Variants in RAB3D observed in about 807,000 individuals in gnomAD.
The protein encoded by RAB3D is RAB3D, member RAS oncogene family, also known as ras-related protein Rab-3D.
RAB3D carries 17 observed loss-of-function variants against 19.3 expected under a neutral mutation model. That is an observed-to-expected ratio of 0.88 (90% CI 0.60 to 1.32). The LOEUF (loss-of-function observed/expected upper bound fraction) is 1.32. Among genes scored for constraint, RAB3D ranks in the 40% most tolerant of loss-of-function variants. RAB3D has a pLI of 0.00. For missense variants in RAB3D, 223 were observed against 299.1 expected (o/e 0.75, Z 1.88); for synonymous variants, 103 against 119.9 (o/e 0.86, Z 0.92).
In RAB3D at chr19:11,324,007, G is replaced by A. The variant is rs1462747754; in HGVS notation, c.*1391C>T. On this transcript the variant is annotated 3_prime_UTR_variant, in exon 5 of 5. Coordinates refer to ENST00000222120, the MANE Select transcript of RAB3D (RefSeq NM_004283.4). ...TAACCTCTGAGCAGAAGCCCCTGGA[G>A]GTGGGGACCCCAGCTTCAGAGACTC... 6.6e-6 allele frequency: 1 copy of A among 152,158 alleles called. No individual in the cohort carries two copies. The highest frequency in any genetic ancestry group is 1.5e-5 in the Non-Finnish European group (1 of 68,084). The allele number at this position is 152,158 out of a possible 1,614,324, so 9.4% of individuals were successfully genotyped here.
In RAB3D at chr19:11,322,593, TTC is replaced by T. The variant is rs2080786561; in HGVS notation, c.*2803_*2804del. 6.6e-6 allele frequency: 1 copy of T among 152,184 alleles called. No homozygotes were observed. Among genetic ancestry groups the T allele is most frequent in the African/African-American group, 2.4e-5 (1 of 41,430 alleles). The allele number at this position is 152,184 out of a possible 1,614,324, so 9.4% of individuals were successfully genotyped here. The stretch of plus-strand genomic sequence containing the variant: ...GAGGTAATCTGCAAAAACATCAGTT[TTC>T]AGTCCCCAGAGACCATTTCCAATTA... On this transcript the variant is annotated 3_prime_UTR_variant, in exon 5 of 5. Coordinates refer to ENST00000222120, the MANE Select transcript of RAB3D (RefSeq NM_004283.4).
rs901073842 is a variant in RAB3D at position 11,323,005 on chromosome 19, A to C, written c.*2393T>G. On this transcript the variant is annotated 3_prime_UTR_variant, in exon 5 of 5. Transcript: ENST00000222120. ...CAGGTGCCTGTAGTCCCAGCTACTT[A>C]GGAGGCTGAGACAGGAGAATCGCTT... 2 of 151,396 alleles carry C rather than the reference A, an allele frequency of 1.3e-5. No homozygotes were observed. The highest frequency in any genetic ancestry group is 3.9e-4 in the East Asian group (2 of 5,080). The allele number at this position is 151,396 out of a possible 1,614,324, so 9.4% of individuals were successfully genotyped here.
intron 2 of RAB3D, among the ~76,000 whole-genome samples, chr19:11,336,370 G>C (rs999225878): frequency 2.8e-4 from 43 of 152,030 alleles, no homozygotes; most frequent in African/African-American, 1.0e-3. Flanking sequence ...ATGCAGCGGT[G>C]CAATCATAGC....
At chr19:11,326,662 G>T in intron 4 of RAB3D, 1 of 603,004 alleles carries the variant, frequency 1.7e-6, no homozygotes. Flanking sequence ...GGGGTGTAGT[G>T]GTATGAACAT....
intron 2 of RAB3D, 26 bp from the exon 3 acceptor site, chr19:11,335,809 C>T (rs753569250): frequency 7.5e-6 from 12 of 1,599,958 alleles, no homozygotes; most frequent in Non-Finnish European, 9.4e-6. Context: ...TGGCAGTTGG[C>T]TGGGAACTAC....
At position 11,338,489 on chromosome 19, in the gene RAB3D, G is replaced by A. The variant is rs927035029; in HGVS notation, c.-62+980C>T. On this transcript the variant is annotated intron_variant, in intron 1 of 4. Transcript: ENST00000222120. ...GGTGTCAGCCACTGGGGCGCCTGCC[G>A]CCCACCAACTCATGCCAAATACAAC... Among the ~76,000 whole-genome samples the A allele has an allele frequency of 4.6e-5, 7 of 152,160 alleles. No individual in the cohort carries two copies. The South Asian group carries it at 8.3e-4, about 18-fold the overall frequency.
chr19:11,324,145 C>T lies in RAB3D; in HGVS notation c.*1253G>A, dbSNP rs955142898. ...GTTACTCAATCCTACCTCCTCACCC[C>T]TTCCGCCCAACCCCCAGCATCCCTT... On this transcript the variant is annotated 3_prime_UTR_variant, in exon 5 of 5. Transcript: ENST00000222120. 6.6e-6 allele frequency: 1 copy of T among 152,222 alleles called. No individual in the cohort carries two copies. The highest frequency in any genetic ancestry group is 2.4e-5 in the African/African-American group (1 of 41,380). 9.4% of individuals were successfully genotyped at this position (152,222 alleles called of 1,614,324 possible).
intron 4 of RAB3D, among the ~76,000 whole-genome samples, chr19:11,326,418 T>C (rs749909396): frequency 2.0e-5 from 3 of 152,046 alleles, no homozygotes; most frequent in Non-Finnish European, 4.4e-5. Context: ...GCTGCAGCCA[T>C]GGTCTGGACA....
intron 4 of RAB3D, among the ~76,000 whole-genome samples, chr19:11,328,675 G>A (rs1384109720): frequency 6.6e-6 from 1 of 151,668 alleles, no homozygotes; most frequent in African/African-American, 2.4e-5. Context: ...ATATTAGCCA[G>A]GTGTGGTGGC....
chr19:11,325,687 A>G, intron 4 of RAB3D, 102 bp from the exon 5 acceptor site: 4 of 1,130,486 alleles, frequency 3.5e-6, no homozygotes, highest in East Asian at 2.4e-5. Context: ...TCTGCTCTTT[A>G]TCCTGCTGTG....
In RAB3D at chr19:11,335,715, CAGGAA is replaced by C. The variant is rs753311551; in HGVS notation, c.292_296del (p.Phe98AlafsTer4). On this transcript the variant is annotated frameshift_variant, in exon 3 of 5. Transcript: ENST00000222120. LOFTEE classifies it high-confidence loss of function. ...CCTGATTGGCGATGTCATACATGAG[CAGGAA>C]GCCCATGGCTCCCCGGTAGTAGGCC... 2 of 1,614,186 alleles carry C rather than the reference CAGGAA, an allele frequency of 1.2e-6. No individual in the cohort carries two copies. The highest frequency in any genetic ancestry group is 3.3e-5 in the Admixed American group (2 of 60,020).
chr19:11,328,389 C>T (rs1028331981), intron 4 of RAB3D, among the ~76,000 whole-genome samples: 6 of 148,676 alleles, frequency 4.0e-5, no homozygotes, highest in South Asian at 2.1e-4. Context: ...TGGTGGCTCA[C>T]GCCTGTAATT....
chr19:11,324,372 A>C lies in RAB3D; in HGVS notation c.*1026T>G, dbSNP rs1335498232. The C allele has an allele frequency of 6.6e-6, 1 of 152,228 alleles. No individual in the cohort carries two copies. The highest frequency in any genetic ancestry group is 1.9e-4 in the East Asian group (1 of 5,192). The allele number at this position is 152,228 out of a possible 1,614,324, so 9.4% of individuals were successfully genotyped here. On this transcript the variant is annotated 3_prime_UTR_variant, in exon 5 of 5. Coordinates refer to ENST00000222120, the MANE Select transcript of RAB3D (RefSeq NM_004283.4). The stretch of plus-strand genomic sequence containing the variant: ...ATTGGGTCTTGAAGGGCCCCCCTCA[A>C]GTCGGAGCCCAGGTGCTTACATCAG...
chr19:11,323,805 G>A lies in RAB3D; in HGVS notation c.*1593C>T, dbSNP rs2080795232. ...AGACACAACCTCTGAAACAGAGTCAGGGACGTGGGAACATAAAACATCCAC... is the reference window on the plus strand; with the variant it reads ...AGACACAACCTCTGAAACAGAGTCAAGGACGTGGGAACATAAAACATCCAC... On this transcript the variant is annotated 3_prime_UTR_variant, in exon 5 of 5. Transcript: ENST00000222120. 1 of 152,196 alleles carries A rather than the reference G, an allele frequency of 6.6e-6. No homozygotes were observed. Among genetic ancestry groups the A allele is most frequent in the Non-Finnish European group, 1.5e-5 (1 of 68,074 alleles). 9.4% of individuals were successfully genotyped at this position (152,196 alleles called of 1,614,324 possible). A position where few individuals can be genotyped will look rare whatever the true frequency, so the allele number is the denominator to read the frequency against.
At position 11,325,283 on chromosome 19, in the gene RAB3D, A is replaced by C; in HGVS notation, c.*115T>G. 1 of 667,526 alleles carries C rather than the reference A, an allele frequency of 1.5e-6. No individual in the cohort carries two copies. Among genetic ancestry groups the C allele is most frequent in the South Asian group, 1.9e-5 (1 of 52,568 alleles). 41.4% of individuals were successfully genotyped at this position (667,526 alleles called of 1,614,324 possible). A position where few individuals can be genotyped will look rare whatever the true frequency, so the allele number is the denominator to read the frequency against. On this transcript the variant is annotated 3_prime_UTR_variant, in exon 5 of 5. Coordinates refer to ENST00000222120, the MANE Select transcript of RAB3D (RefSeq NM_004283.4). ...ATGAGCCATGCAGGAGTCGGGGAGCAGTTGACAGGAGGGAAGGGATTGCCC... is the reference window on the plus strand; with the variant it reads ...ATGAGCCATGCAGGAGTCGGGGAGCCGTTGACAGGAGGGAAGGGATTGCCC...
intron 4 of RAB3D, among the ~76,000 whole-genome samples, chr19:11,331,226 C>T (rs1197756630): frequency 2.0e-5 from 3 of 151,036 alleles, no homozygotes; most frequent in African/African-American, 7.3e-5. Flanking sequence ...ACTGGGGAGG[C>T]GGAGGTGGCA....
chr19:11,338,102 G>A (rs1217481378), intron 1 of RAB3D, among the ~76,000 whole-genome samples: 2 of 152,226 alleles, frequency 1.3e-5, no homozygotes, highest in Non-Finnish European at 2.9e-5. Flanking sequence ...CCAGTGGGAA[G>A]GTATTAACAC....
chr19:11,334,633 T>TAA (rs1056306284), intron 4 of RAB3D, among the ~76,000 whole-genome samples: 1 of 146,738 alleles, frequency 6.8e-6, no homozygotes, highest in Non-Finnish European at 1.5e-5. Flanking sequence ...CACGCAAAAT[T>TAA]AAAAAAAAAG....
chr19:11,331,251 C>T (rs1018049300), intron 4 of RAB3D, among the ~76,000 whole-genome samples: 3 of 151,326 alleles, frequency 2.0e-5, no homozygotes, highest in East Asian at 2.0e-4. Flanking sequence ...GCCGAAATCA[C>T]GCCATTGCAC....
Sources: gnomAD v4.1 joint callset for allele counts (sites outside exome capture counted in the v4.1 genomes callset) on GRCh38, gnomAD v4.1.1 for gene constraint, MANE v1.5 for transcripts, NCBI Gene and HGNC (gene_info 2026-07-23, HGNC 2026-07-21) for gene names.